DST: variants seen among roughly 807,000 people sequenced by gnomAD.
DST encodes the protein dystonin, also known as bullous pemphigoid antigen.
A neutral mutation model predicts 875.2 loss-of-function variants in DST; 253 were observed. The observed-to-expected ratio is 0.29, with a 90% CI of 0.26 to 0.32. The LOEUF (loss-of-function observed/expected upper bound fraction) is 0.32. DST is among the 10% of genes least tolerant of loss of function. The pLI is 1.00. For synonymous variants in DST, 3,124 were observed against 3,197.1 expected, an observed-to-expected ratio of 0.98 and a Z score of 0.77; for missense variants, 8,287 against 9,111.6, an observed-to-expected ratio of 0.91 and a Z score of 3.68.
At chr6:56,807,694 G>A (rs1035801392) in intron 4 of DST, among the ~76,000 whole-genome samples, 11 of 152,142 alleles carry the variant, frequency 7.2e-5, no homozygotes, top group Non-Finnish European at 1.5e-4. Context: ...TACGTAACTA[G>A]CATATTACCT....
Position 56,482,992 on chromosome 6 carries a change from A to G in DST, c.21208-115T>C, listed in dbSNP as rs563602995. On this transcript the variant is annotated intron_variant, in intron 88 of 103. Coordinates refer to ENST00000680361, the MANE Select transcript of DST (RefSeq NM_001374736.1). ...TCATGTAAAGATATCTAAGACCTAC[A>G]GTTTAATAACCATATTTCTGGCAGC... The G allele has an allele frequency of 5.0e-5, 35 of 698,552 alleles. No homozygotes were observed. The East Asian group carries it at 9.6e-4, about 19-fold the overall frequency. 43.3% of individuals were successfully genotyped at this position (698,552 alleles called of 1,614,324 possible). A position where few individuals can be genotyped will look rare whatever the true frequency, so the allele number is the denominator to read the frequency against.
chr6:56,826,285 A>T (rs2099780403), intron 4 of DST, among the ~76,000 whole-genome samples: 1 of 152,278 alleles, frequency 6.6e-6, no homozygotes. Context: ...AATGTCACTT[A>T]ATACCCACAA....
intron 5 of DST, among the ~76,000 whole-genome samples, chr6:56,705,820 A>G (rs535177461): frequency 1.3e-5 from 2 of 152,376 alleles, no homozygotes; most frequent in Admixed American, 1.3e-4. Flanking sequence ...AAATACAGCA[A>G]AACTGAAGGT....
rs535393620 is a variant in DST, at chr6:56,706,427, C to A, written c.688-2058G>T. ...ACCTTGAGATACCATGAAATGACAACTCTCTCAACTTCTCAACTGTATTTC... is the reference window on the plus strand; with the variant it reads ...ACCTTGAGATACCATGAAATGACAAATCTCTCAACTTCTCAACTGTATTTC... On this transcript the variant is annotated intron_variant, in intron 5 of 103. Coordinates refer to ENST00000680361, the MANE Select transcript of DST (RefSeq NM_001374736.1). Among the ~76,000 whole-genome samples, 3 of 152,144 alleles carry A rather than the reference C, an allele frequency of 2.0e-5. No homozygotes were observed. In the South Asian group the frequency reaches 6.2e-4, roughly 32 times the overall value.
chr6:56,557,338 G>A lies in DST; in HGVS notation c.14621C>T (p.Thr4874Ile), dbSNP rs1297520273. ...PLSIDPNMLN[T>I]QRQQVQILLQ... ...ACTCACCTGCACCTGCTGCCTTTGT[G>A]TGTTTAGCATATTTGGGTCAATTGA... The change falls in exon 59 of 104, where the codon ACA becomes ATA. Residue 4874 changes from threonine to isoleucine, a missense_variant. Transcript: ENST00000680361. 1 of 1,613,194 alleles carries A rather than the reference G, an allele frequency of 6.2e-7. No individual in the cohort carries two copies. Among genetic ancestry groups the A allele is most frequent in the Non-Finnish European group, 8.5e-7 (1 of 1,179,622 alleles).
intron 4 of DST, among the ~76,000 whole-genome samples, chr6:56,756,943 A>G (rs1012627163): frequency 1.3e-5 from 2 of 152,256 alleles, no homozygotes; most frequent in Non-Finnish European, 2.9e-5. Context: ...CAAGAGAAGT[A>G]TTAATAAGAC....
At chr6:56,827,534 A>T (rs2099782208) in intron 4 of DST, among the ~76,000 whole-genome samples, 1 of 151,844 alleles carries the variant, frequency 6.6e-6, no homozygotes, top group African/African-American at 2.4e-5. Context: ...AAAAGGTAAA[A>T]CAATAGCAAC....
chr6:56,826,914 G>A (rs376882353), intron 4 of DST, among the ~76,000 whole-genome samples: 5 of 152,290 alleles, frequency 3.3e-5, no homozygotes, highest in East Asian at 1.9e-4. Flanking sequence ...AGCAGTGCAC[G>A]AGAGCACTGT....
chr6:56,871,610 G>A, intron 3 of DST: 3 of 774,834 alleles, frequency 3.9e-6, no homozygotes, highest in East Asian at 2.5e-5. Flanking sequence ...ACCCATACAT[G>A]AGCTCTCTCT....
chr6:56,672,888 A>T (rs1588266615), intron 9 of DST, among the ~76,000 whole-genome samples: 1 of 152,214 alleles, frequency 6.6e-6, no homozygotes, highest in East Asian at 1.9e-4. Flanking sequence ...TAAGTTTTTT[A>T]AATTTGCTGC....
rs1414512710 is a variant in DST at position 56,605,334 on chromosome 6, T to G, written c.9294A>C (p.Thr3098=). 6 of 1,612,272 alleles carry G rather than the reference T, an allele frequency of 3.7e-6. No homozygotes were observed. Among genetic ancestry groups the G allele is most frequent in the Non-Finnish European group, 5.1e-6 (6 of 1,179,132 alleles). ...INSQFPFPQI[T]NNEELNQKGS... ...CTTTCTGATTAAGTTCTTCATTGTT[T>G]GTGATTTGTGGAAATGGAAACTGAC... The change falls in exon 40 of 104, where the codon ACA becomes ACC. Residue 3098 remains threonine (T), a synonymous_variant. Transcript: ENST00000680361.
rs376556021 is a variant in DST at position 56,477,358 on chromosome 6, G to T, written c.21662C>A (p.Ala7221Glu). ...TIKHWITIIR[A>E]RFEEVLAWAK... ...AGACACACTGACCTCCTCAAACCTCGCCCGGATGATTGTTATCCAGTGCTT... is the reference window on the plus strand; with the variant it reads ...AGACACACTGACCTCCTCAAACCTCTCCCGGATGATTGTTATCCAGTGCTT... Residue 7221 changes from alanine (A) to glutamate (E), a missense_variant, in exon 91 of 104, where the codon GCG (alanine) becomes GAG (glutamate). By Grantham distance (107) the Ala-to-Glu change is moderately radical (BLOSUM62 -1). Around this residue, in one of 10 missense-constraint regions of DST, gnomAD observed 1,292 missense variants for 1,552.7 expected, o/e 0.83. Transcript: ENST00000680361. 1 of 1,613,736 alleles carries T rather than the reference G, an allele frequency of 6.2e-7. No individual in the cohort carries two copies.
At position 56,908,098 on chromosome 6, in the gene DST, T is replaced by TATATATATATACACACACAC. The variant is rs148958146; in HGVS notation, c.217-7478_217-7477insGTGTGTGTGTATATATATAT. On this transcript the variant is annotated intron_variant, in intron 2 of 103. Coordinates refer to ENST00000680361, the MANE Select transcript of DST (RefSeq NM_001374736.1). ...AAAAAAGAAAATACATATATATATA[T>TATATATATATACACACACAC]ACACACACACACACACACATATATA... Among the ~76,000 whole-genome samples the TATATATATATACACACACAC allele has an allele frequency of 2.1e-3, 317 of 150,610 alleles. 2 individuals are homozygous for TATATATATATACACACACAC. The East Asian group carries it at 0.037, about 18-fold the overall frequency.
chr6:56,807,014 G>C (rs2099753723), intron 4 of DST, among the ~76,000 whole-genome samples: 1 of 152,062 alleles, frequency 6.6e-6, no homozygotes, highest in African/African-American at 2.4e-5. Context: ...TACGTTCATA[G>C]ATCAAATGAC....
chr6:56,668,189 C>G (rs2099081681), intron 10 of DST, among the ~76,000 whole-genome samples: 2 of 152,212 alleles, frequency 1.3e-5, no homozygotes, highest in Non-Finnish European at 2.9e-5. Flanking sequence ...AAGATTCTAT[C>G]ATTCCAAGTA....
rs1366004006 is a variant in DST at position 56,634,785 on chromosome 6, T to G, written c.3339+16A>C. On this transcript the variant is annotated intron_variant, in intron 25 of 103. Coordinates refer to ENST00000680361, the MANE Select transcript of DST (RefSeq NM_001374736.1). ...ATAATGACAGAAACTGGTCTGTTTC[T>G]AGGAGTTACAAGTACCTCAATTTGT... The G allele has an allele frequency of 6.2e-7, 1 of 1,613,154 alleles. No homozygotes were observed. The highest frequency in any genetic ancestry group is 1.1e-5 in the South Asian group (1 of 91,044).
At chr6:56,475,946 A>G (rs2095167718) in intron 92 of DST, among the ~76,000 whole-genome samples, 1 of 152,286 alleles carries the variant, frequency 6.6e-6, no homozygotes, top group East Asian at 1.9e-4. Flanking sequence ...ACAAAGAAGG[A>G]AAGTTTTGCA....
intron 90 of DST, among the ~76,000 whole-genome samples, chr6:56,477,778 A>C (rs1466159227): frequency 6.6e-6 from 1 of 152,182 alleles, no homozygotes; most frequent in African/African-American, 2.4e-5. Flanking sequence ...CCCTGATATA[A>C]AATGATGTAG....
chr6:56,484,541 C>T lies in DST; in HGVS notation c.21207+771G>A, dbSNP rs772422591. ...ACTCAGATACTAGAGAGAAGAAATACAAGATGAATTTAAGTAGAGTGATGT... is the reference window on the plus strand; with the variant it reads ...ACTCAGATACTAGAGAGAAGAAATATAAGATGAATTTAAGTAGAGTGATGT... On this transcript the variant is annotated intron_variant, in intron 88 of 103. Transcript: ENST00000680361. 3.3e-5 allele frequency: 5 copies of T among 152,042 alleles called. No individual in the cohort carries two copies. The South Asian group carries it at 1.0e-3, about 32-fold the overall frequency. 9.4% of individuals were successfully genotyped at this position (152,042 alleles called of 1,614,324 possible).
Sources: gnomAD v4.1 joint callset for allele counts (sites outside exome capture counted in the v4.1 genomes callset) on GRCh38, gnomAD v4.1.1 for gene constraint, gnomAD v4.1.1 regional missense constraint, MANE v1.5 for transcripts, NCBI Gene and HGNC (gene_info 2026-07-23, HGNC 2026-07-21) for gene names.